The following PROKR1 variants were observed in gnomAD, a reference collection of about 807,000 sequenced individuals.
PROKR1 encodes prokineticin receptor 1.
PROKR1 carries 21 observed loss-of-function variants against 22.8 expected under a neutral mutation model. That is an observed-to-expected ratio of 0.92 (90% CI 0.65 to 1.32). PROKR1 has a LOEUF of 1.32. PROKR1 is among the 40% of genes most tolerant of loss of function. The pLI is 0.00. For synonymous variants in PROKR1, 193 were observed against 207.5 expected, an observed-to-expected ratio of 0.93 and a Z score of 0.60; for missense variants, 548 against 514.2, an observed-to-expected ratio of 1.07 and a Z score of -0.64.
chr2:68,645,388 C>T (rs1300033534), intron 1 of PROKR1, among the ~76,000 whole-genome samples: 4 of 152,204 alleles, frequency 2.6e-5, no homozygotes, highest in African/African-American at 4.8e-5. Flanking sequence ...ACACTCCCAA[C>T]TTTTGTCCTT....
At chr2:68,649,939 T>C (rs1432618269) in intron 2 of PROKR1, among the ~76,000 whole-genome samples, 3 of 152,014 alleles carry the variant, frequency 2.0e-5, no homozygotes, top group African/African-American at 7.3e-5. Context: ...TTCTGTCTTG[T>C]ACGTGTCTCC....
At chr2:68,644,923 G>A (rs537793887) in intron 1 of PROKR1, among the ~76,000 whole-genome samples, 1 of 152,266 alleles carries the variant, frequency 6.6e-6, no homozygotes. Flanking sequence ...TGACAGAGGA[G>A]GCCTGAGAGC....
rs1008650835 is a variant in PROKR1, at chr2:68,655,000, C to G, written c.606C>G (p.Thr202=). ...CCATCCCTTCCGCCTACTTCACCAC[C>G]GAGACGGTCCTCGTCATTGTCAAGA... ...LIAIPSAYFT[T]ETVLVIVKSQ... Residue 202 remains threonine, a synonymous_variant, in exon 3 of 3, where the codon ACC becomes ACG. Transcript: ENST00000303786. The G allele has an allele frequency of 1.2e-6, 2 of 1,613,552 alleles. No homozygotes were observed. The highest frequency in any genetic ancestry group is 2.2e-5 in the East Asian group (1 of 44,880).
intron 2 of PROKR1, among the ~76,000 whole-genome samples, chr2:68,654,106 G>A (rs1229244783): frequency 2.0e-5 from 3 of 152,100 alleles, no homozygotes; most frequent in African/African-American, 7.2e-5. Context: ...TTTTTAGAAT[G>A]TAGAATGAAG....
chr2:68,644,396 G>A (rs1320198279), intron 1 of PROKR1, among the ~76,000 whole-genome samples: 2 of 152,114 alleles, frequency 1.3e-5, no homozygotes, highest in African/African-American at 2.4e-5. Flanking sequence ...TCTCCTCCCT[G>A]AGTGGGCAGA....
chr2:68,656,768 A>T lies in PROKR1; in HGVS notation c.*1192A>T, dbSNP rs566759972. 4.5e-4 allele frequency: 69 copies of T among 152,288 alleles called. No homozygotes were observed. The highest frequency in any genetic ancestry group is 1.5e-3 in the African/African-American group (64 of 41,568). 9.4% of individuals were successfully genotyped at this position (152,288 alleles called of 1,614,324 possible). The stretch of plus-strand genomic sequence containing the variant: ...CCCATCCTAGTCTTTGTTCCTTTGG[A>T]TTAAGACTTGCTTTGCTTCTAAAAT... On this transcript the variant is annotated 3_prime_UTR_variant, in exon 3 of 3. Coordinates refer to ENST00000303786, the MANE Select transcript of PROKR1 (RefSeq NM_138964.4).
chr2:68,651,864 CTG>C (rs1271745135), intron 2 of PROKR1, among the ~76,000 whole-genome samples: 1 of 152,228 alleles, frequency 6.6e-6, no homozygotes, highest in African/African-American at 2.4e-5. Flanking sequence ...CTACATGAAT[CTG>C]GACCTAAGCC....
At chr2:68,652,735 C>T (rs1442517681) in intron 2 of PROKR1, among the ~76,000 whole-genome samples, 3 of 152,098 alleles carry the variant, frequency 2.0e-5, no homozygotes, top group Admixed American at 1.3e-4. Flanking sequence ...GTCTCACTGG[C>T]GCCTCATAGC....
intron 1 of PROKR1, among the ~76,000 whole-genome samples, chr2:68,644,466 G>C (rs947090364): frequency 4.6e-5 from 7 of 152,158 alleles, no homozygotes; most frequent in African/African-American, 1.7e-4. Context: ...TCAGGGTAAG[G>C]AGTTAGGACA....
intron 2 of PROKR1, among the ~76,000 whole-genome samples, chr2:68,653,567 A>G (rs1673379831): frequency 6.6e-6 from 1 of 152,148 alleles, no homozygotes; most frequent in Admixed American, 6.5e-5. Flanking sequence ...CTCTACCTGG[A>G]ATAAGTTCTG....
In PROKR1 at chr2:68,654,978, T is replaced by C. The variant is rs1417915693; in HGVS notation, c.584T>C (p.Ile195Thr). The C allele has an allele frequency of 6.2e-7, 1 of 1,613,020 alleles. No individual in the cohort carries two copies. The highest frequency in any genetic ancestry group is 1.7e-5 in the Admixed American group (1 of 59,962). ...TGGACGGTGTCCATCCTGATCGCCA[T>C]CCCTTCCGCCTACTTCACCACCGAG... ...LVWTVSILIA[I>T]PSAYFTTETV... Residue 195 changes from isoleucine (I) to threonine (T), a missense_variant, in exon 3 of 3, where the codon ATC (isoleucine) becomes ACC (threonine). Coordinates refer to ENST00000303786, the MANE Select transcript of PROKR1 (RefSeq NM_138964.4).
intron 2 of PROKR1, among the ~76,000 whole-genome samples, chr2:68,651,938 G>A (rs527435661): frequency 8.5e-5 from 13 of 152,324 alleles, no homozygotes; most frequent in South Asian, 8.3e-4. Context: ...AAAAGCAGCC[G>A]CCAGATGTCA....
intron 2 of PROKR1, among the ~76,000 whole-genome samples, chr2:68,648,065 G>A (rs1673230089): frequency 6.6e-6 from 1 of 152,182 alleles, no homozygotes; most frequent in South Asian, 2.1e-4. Context: ...AAAGCATACA[G>A]AGTCATTTCC....
At chr2:68,652,142 G>A (rs1211351354) in intron 2 of PROKR1, among the ~76,000 whole-genome samples, 1 of 152,148 alleles carries the variant, frequency 6.6e-6, no homozygotes, top group African/African-American at 2.4e-5. Flanking sequence ...TTGTTCTGTT[G>A]ATATCTAGTT....
rs958759575 is a variant in PROKR1, at chr2:68,657,905, A to G, written c.*2329A>G. The G allele has an allele frequency of 1.6e-4, 24 of 152,228 alleles. No homozygotes were observed. Among genetic ancestry groups the G allele is most frequent in the Admixed American group, 1.4e-3 (22 of 15,284 alleles). The allele number at this position is 152,228 out of a possible 1,614,324, so 9.4% of individuals were successfully genotyped here. A position where few individuals can be genotyped will look rare whatever the true frequency, so the allele number is the denominator to read the frequency against. Reference sequence around the variant, plus strand: ...AAAATTAATTAAAATATTAGCCTAAATCAAAAATGCATTGGAGGGCCATTT... The same window carrying G: ...AAAATTAATTAAAATATTAGCCTAAGTCAAAAATGCATTGGAGGGCCATTT... On this transcript the variant is annotated 3_prime_UTR_variant, in exon 3 of 3. Coordinates refer to ENST00000303786, the MANE Select transcript of PROKR1 (RefSeq NM_138964.4).
intron 2 of PROKR1, among the ~76,000 whole-genome samples, chr2:68,654,011 A>C (rs1673390754): frequency 6.6e-6 from 1 of 152,170 alleles, no homozygotes; most frequent in Admixed American, 6.5e-5. Context: ...AAAGTCACTC[A>C]TCTCTCACTG....
At chr2:68,654,482 C>T (rs1673397865) in intron 2 of PROKR1, among the ~76,000 whole-genome samples, 1 of 152,128 alleles carries the variant, frequency 6.6e-6, no homozygotes, top group Admixed American at 6.5e-5. Flanking sequence ...TTCAAGTTGA[C>T]CTTTTGCAGA....
rs555259163 is a variant in PROKR1, at chr2:68,645,865, C to T, written c.44C>T (p.Thr15Ile). 6.2e-7 allele frequency: 1 copy of T among 1,614,236 alleles called. No individual in the cohort carries two copies. The highest frequency in any genetic ancestry group is 8.5e-7 in the Non-Finnish European group (1 of 1,180,050). Residue 15 changes from threonine to isoleucine, a missense_variant, in exon 2 of 3, where the codon ACT (threonine) becomes ATT (isoleucine). Thr to Ile is a moderately conservative substitution (Grantham distance 89, BLOSUM62 -1). Transcript: ENST00000303786. ...TTCATGGATGACAATGCCACCAACACTTCCACCAGCTTCCTTTCTGTGCTC... is the reference window on the plus strand; with the variant it reads ...TTCATGGATGACAATGCCACCAACATTTCCACCAGCTTCCTTTCTGTGCTC... ...MGFMDDNATN[T>I]STSFLSVLNP... is the part of the protein sequence containing the mutation.
Position 68,655,708 on chromosome 2 carries a change from A to G in PROKR1, c.*132A>G, listed in dbSNP as rs1673440283. On this transcript the variant is annotated 3_prime_UTR_variant, in exon 3 of 3. Transcript: ENST00000303786. ...AAGTAAATGGACCACTCTGTGAGCA[A>G]TGTTTTCAAGGAGCTCAGAGTTTCT... is the stretch of plus-strand genomic sequence containing the variant. The G allele has an allele frequency of 3.5e-6, 3 of 869,428 alleles. No homozygotes were observed. The highest frequency in any genetic ancestry group is 5.5e-6 in the Non-Finnish European group (3 of 547,238). The allele number at this position is 869,428 out of a possible 1,614,324, so 53.9% of individuals were successfully genotyped here.
Sources: allele counts gnomAD v4.1 joint callset (sites outside exome capture counted in the v4.1 genomes callset), GRCh38; gene constraint gnomAD v4.1.1; transcripts MANE v1.5; gene names NCBI Gene and HGNC (gene_info 2026-07-23, HGNC 2026-07-21).